SLC24A2: variants seen among roughly 807,000 people sequenced by gnomAD.
The protein encoded by SLC24A2 is sodium/potassium/calcium exchanger 2.
A neutral mutation model predicts 62.0 loss-of-function variants in SLC24A2; 36 were observed. The observed-to-expected ratio is 0.58, with a 90% CI of 0.44 to 0.77. The LOEUF is 0.77. Ranked by LOEUF, SLC24A2 falls within the 30% of genes least tolerant of loss-of-function variation. The probability of loss-of-function intolerance (pLI) is 0.00; values close to 1 mark genes in which losing one functional copy is unlikely to be tolerated. For missense variants in SLC24A2, 846 were observed against 817.9 expected, an observed-to-expected ratio of 1.03 and a Z score of -0.42; for synonymous variants, 358 against 294.0, an observed-to-expected ratio of 1.22 and a Z score of -2.23.
At chr9:20,009,896 G>A in the SLC24A2 span, among the ~76,000 whole-genome samples, 2 of 152,142 alleles carry the variant, frequency 1.3e-5, no homozygotes, top group Non-Finnish European at 2.9e-5. Context: ...CTGTGGCCCT[G>A]CCCACCTTGT....
the SLC24A2 span, among the ~76,000 whole-genome samples, chr9:20,270,415 A>G: frequency 6.6e-6 from 1 of 152,192 alleles, no homozygotes; most frequent in Non-Finnish European, 1.5e-5. Flanking sequence ...AGAATTAGTC[A>G]TAACTATTCA....
chr9:20,051,943 T>G, the SLC24A2 span, among the ~76,000 whole-genome samples: 1 of 152,160 alleles, frequency 6.6e-6, no homozygotes, highest in Non-Finnish European at 1.5e-5. Flanking sequence ...TTCTCATATG[T>G]AAACTCTGGA....
At chr9:20,175,976 A>G in the SLC24A2 span, among the ~76,000 whole-genome samples, 2 of 152,044 alleles carry the variant, frequency 1.3e-5, no homozygotes, top group Non-Finnish European at 2.9e-5. Context: ...GAGCTGAGCT[A>G]GGAAGGATGT....
chr9:19,872,462 C>T, the SLC24A2 span, among the ~76,000 whole-genome samples: 1 of 152,142 alleles, frequency 6.6e-6, no homozygotes, highest in South Asian at 2.1e-4. Context: ...CATGTGTTAC[C>T]TTCTTTTCTA....
chr9:19,827,750 T>C, the SLC24A2 span, among the ~76,000 whole-genome samples: 2 of 152,090 alleles, frequency 1.3e-5, no homozygotes, highest in African/African-American at 4.8e-5. Context: ...CTCACTCCTG[T>C]CCCCCAGAGA....
intron 8 of SLC24A2, among the ~76,000 whole-genome samples, chr9:19,544,904 T>C (rs1321048295): frequency 6.6e-6 from 1 of 152,226 alleles, no homozygotes; most frequent in African/African-American, 2.4e-5. Context: ...ATTATGTGTC[T>C]TGGGGTTGCT....
intron 2 of SLC24A2, among the ~76,000 whole-genome samples, chr9:19,714,041 G>A (rs559793683): frequency 3.3e-5 from 5 of 152,130 alleles, no homozygotes; most frequent in Non-Finnish European, 5.9e-5. Context: ...AAAAATCTCC[G>A]GGGACTAAGA....
chr9:19,636,322 T>TTCCTTCCTTC, intron 2 of SLC24A2, among the ~76,000 whole-genome samples: 1 of 30,568 alleles, frequency 3.3e-5, no homozygotes, highest in African/African-American at 1.2e-4. Flanking sequence ...TTCTTTTCTT[T>TTCCTTCCTTC]CTTTCTTTCT....
the SLC24A2 span, among the ~76,000 whole-genome samples, chr9:19,893,424 A>G: frequency 6.6e-5 from 10 of 152,236 alleles, no homozygotes; most frequent in African/African-American, 2.2e-4. Context: ...GTACCTCCCT[A>G]TTGGTGCAAC....
intron 7 of SLC24A2, among the ~76,000 whole-genome samples, chr9:19,558,099 G>A (rs569335708): frequency 9.9e-5 from 15 of 152,170 alleles, no homozygotes; most frequent in African/African-American, 3.1e-4. Flanking sequence ...TACTGTTCCA[G>A]GCCTCACATT....
chr9:19,840,316 T>G, the SLC24A2 span, among the ~76,000 whole-genome samples: 316 of 152,252 alleles, frequency 2.1e-3, 1 homozygote, highest in African/African-American at 6.7e-3. Flanking sequence ...ATTAAACCAG[T>G]ACCCAGGCTT....
the SLC24A2 span, among the ~76,000 whole-genome samples, chr9:20,241,292 C>A: frequency 6.6e-6 from 1 of 152,154 alleles, no homozygotes; most frequent in African/African-American, 2.4e-5. Context: ...TAATTAAGCA[C>A]CTACTGTGTG....
chr9:20,101,813 G>A, the SLC24A2 span, among the ~76,000 whole-genome samples: 1 of 152,152 alleles, frequency 6.6e-6, no homozygotes, highest in African/African-American at 2.4e-5. Context: ...CTTAAGGGAA[G>A]GGAGGGTACC....
chr9:19,773,595 T>G (rs1287865188), intron 2 of SLC24A2, among the ~76,000 whole-genome samples: 1 of 152,184 alleles, frequency 6.6e-6, no homozygotes, highest in Non-Finnish European at 1.5e-5. Flanking sequence ...TCATGAACAC[T>G]CATCATCACC....
At chr9:20,151,952 T>C in the SLC24A2 span, among the ~76,000 whole-genome samples, 117,752 of 151,624 alleles carry the variant, frequency 0.78, 48,167 homozygotes, top group Non-Finnish European at 0.92. Context: ...GTTCTCGGAG[T>C]CTGGGGCTTA....
At chr9:19,529,443 T>A (rs373691588) in intron 8 of SLC24A2, among the ~76,000 whole-genome samples, 1 of 152,220 alleles carries the variant, frequency 6.6e-6, no homozygotes, top group Admixed American at 6.5e-5. Flanking sequence ...ATATTTCTTA[T>A]GATCATTTGC....
chr9:19,717,539 C>T (rs907041611), intron 2 of SLC24A2, among the ~76,000 whole-genome samples: 6 of 152,230 alleles, frequency 3.9e-5, no homozygotes, highest in East Asian at 1.9e-4. Context: ...TCACTAAGAA[C>T]ATAACAACCA....
At chr9:20,020,990 T>A in the SLC24A2 span, among the ~76,000 whole-genome samples, 1 of 152,152 alleles carries the variant, frequency 6.6e-6, no homozygotes, top group Non-Finnish European at 1.5e-5. Flanking sequence ...ATCAGAAGTT[T>A]ACCCATCATA....
At chr9:19,602,831 A>G (rs976635611) in intron 4 of SLC24A2, among the ~76,000 whole-genome samples, 5 of 152,304 alleles carry the variant, frequency 3.3e-5, no homozygotes, top group Middle Eastern at 3.4e-3. Flanking sequence ...GATGTGGAAA[A>G]TAAATAAGTT....
Sources: allele counts gnomAD v4.1 joint callset (sites outside exome capture counted in the v4.1 genomes callset), GRCh38; gene constraint gnomAD v4.1.1; transcripts MANE v1.5; gene names NCBI Gene and HGNC (gene_info 2026-07-23, HGNC 2026-07-21).